POGK: variants seen among roughly 807,000 people sequenced by gnomAD.
POGK encodes pogo transposable element derived with KRAB domain.
A neutral mutation model predicts 54.4 loss-of-function variants in POGK; 16 were observed. That is an observed-to-expected ratio of 0.29 (90% CI 0.20 to 0.45). POGK has a LOEUF of 0.45. POGK is among the 20% of genes least tolerant of loss of function. The pLI is 1.00. For synonymous variants in POGK, 271 were observed against 302.2 expected, an observed-to-expected ratio of 0.90 and a Z score of 1.07; for missense variants, 515 against 795.6, an observed-to-expected ratio of 0.65 and a Z score of 4.24.
In POGK at chr1:166,850,209, C is replaced by T; in HGVS notation, c.1630C>T (p.Leu544=). The T allele has an allele frequency of 1.3e-6, 2 of 1,554,934 alleles. No individual in the cohort carries two copies. The highest frequency in any genetic ancestry group is 2.4e-5 in the South Asian group (2 of 84,570). ...AACCGGGAATGCTAAGAAGCCACCC[C>T]TGGGCCTCTTTCTGGAGTGGGTCAT... is the stretch of plus-strand genomic sequence containing the variant. ...SPTGNAKKPP[L]GLFLEWVMVA... is the part of the protein sequence containing the mutation. The change falls in exon 5 of 6, where the codon CTG becomes TTG. Residue 544 remains leucine, a synonymous_variant. Coordinates refer to ENST00000367876, the MANE Select transcript of POGK (RefSeq NM_017542.5).
At chr1:166,850,690 A>C in intron 5 of POGK, 2 of 355,294 alleles carry the variant, frequency 5.6e-6, no homozygotes, top group Non-Finnish European at 1.0e-5. Flanking sequence ...TTAGATTCTC[A>C]TAGGAGCACA....
At chr1:166,840,239 G>C (rs1478472666) in intron 1 of POGK, 1 of 152,284 alleles carries the variant, frequency 6.6e-6, no homozygotes, top group Non-Finnish European at 1.5e-5. Flanking sequence ...CTGGCCAAGA[G>C]TCAGCGAATA....
rs1373363442 is a variant in POGK at position 166,850,239 on chromosome 1, G to T, written c.1660G>T (p.Ala554Ser). The change falls in exon 5 of 6, where the codon GCG (alanine) becomes TCG (serine). Residue 554 changes from alanine (A) to serine (S), a missense_variant. Coordinates refer to ENST00000367876, the MANE Select transcript of POGK (RefSeq NM_017542.5). ...CCTCTTTCTGGAGTGGGTCATGGTC[G>T]CGTGGAATAGCATCTCAAGTGAGTC... ...LGLFLEWVMV[A>S]WNSISSESIV... 6.4e-7 allele frequency: 1 copy of T among 1,558,184 alleles called. No homozygotes were observed. The highest frequency in any genetic ancestry group is 1.9e-5 in the Admixed American group (1 of 51,548).
At chr1:166,850,491 C>A (rs140753011) in intron 5 of POGK, 68 bp downstream of exon 5, 4 of 1,475,606 alleles carry the variant, frequency 2.7e-6, no homozygotes, top group Admixed American at 2.3e-5. Flanking sequence ...CACCTTCTCT[C>A]CATTATTTTT....
Position 166,847,595 on chromosome 1 carries a change from AC to A in POGK, c.358+4del. ...GCTCCAAGGAGGCACCTCTGCAGGT[AC>A]TACAAGTAAAGCAGTTCAGCGTCCA... On this transcript the variant is annotated splice_donor_region_variant and intron_variant, in intron 4 of 5. Transcript: ENST00000367876. 3 of 1,609,886 alleles carry A rather than the reference AC, an allele frequency of 1.9e-6. No individual in the cohort carries two copies. Among genetic ancestry groups the A allele is most frequent in the Non-Finnish European group, 2.6e-6 (3 of 1,176,338 alleles).
chr1:166,841,022 G>A lies in POGK; in HGVS notation c.66G>A (p.Gln22=). ...AAGAGGAAGAGGAAGAAGAGATTCAGAGCCGGGAACTAGAGGACGGCCCGG... is the reference window on the plus strand; with the variant it reads ...AAGAGGAAGAGGAAGAAGAGATTCAAAGCCGGGAACTAGAGGACGGCCCGG... ...LKEEEEEEEI[Q]SRELEDGPAD... Residue 22 remains glutamine, a synonymous_variant, in exon 2 of 6, where the codon CAG becomes CAA. Coordinates refer to ENST00000367876, the MANE Select transcript of POGK (RefSeq NM_017542.5). 6.2e-7 allele frequency: 1 copy of A among 1,614,082 alleles called. No individual in the cohort carries two copies. Among genetic ancestry groups the A allele is most frequent in the Non-Finnish European group, 8.5e-7 (1 of 1,179,986 alleles).
chr1:166,848,919 C>T lies in POGK; in HGVS notation c.359-19C>T. 1 of 1,559,012 alleles carries T rather than the reference C, an allele frequency of 6.4e-7. No homozygotes were observed. Among genetic ancestry groups the T allele is most frequent in the Non-Finnish European group, 8.7e-7 (1 of 1,153,962 alleles). ...TTACTTACTGGCATTATTTTTGCCC[C>T]TCACTATTTGTCTCCCAGAAAATGA... On this transcript the variant is annotated intron_variant, in intron 4 of 5. Coordinates refer to ENST00000367876, the MANE Select transcript of POGK (RefSeq NM_017542.5).
chr1:166,841,910 A>T (rs1657530741), intron 2 of POGK, among the ~76,000 whole-genome samples: 2 of 152,174 alleles, frequency 1.3e-5, no homozygotes, highest in South Asian at 4.2e-4. Flanking sequence ...CTAAGGTTAC[A>T]CATGAACACT....
chr1:166,841,948 T>C (rs1657533282), intron 2 of POGK, among the ~76,000 whole-genome samples: 1 of 151,986 alleles, frequency 6.6e-6, no homozygotes, highest in Admixed American at 6.5e-5. Context: ...ACAGGTCTCC[T>C]GAGCTGCACC....
rs563152721 is a variant in POGK, at chr1:166,853,786, T to G, written c.*1216T>G. 6.6e-6 allele frequency: 1 copy of G among 152,654 alleles called. No homozygotes were observed. Among genetic ancestry groups the G allele is most frequent in the African/African-American group, 2.4e-5 (1 of 41,586 alleles). 9.5% of individuals were successfully genotyped at this position (152,654 alleles called of 1,614,324 possible). On this transcript the variant is annotated 3_prime_UTR_variant, in exon 6 of 6. Transcript: ENST00000367876. ...CTCACCTGTATATTTAAACTGTTCT[T>G]GGCATCTTGAAACACCTATTTCTAC...
chr1:166,855,890 A>AC lies in POGK; in HGVS notation c.*3320_*3321insC, dbSNP rs5778525. On this transcript the variant is annotated 3_prime_UTR_variant, in exon 6 of 6. Transcript: ENST00000367876. ...GGTATATTGAGTAGTCCAAACCAAA[A>AC]AACTATATTCGAGTATCAGTTTAAA... The AC allele has an allele frequency of 0.66, 99,924 of 152,150 alleles. 33,816 individuals are homozygous for AC. Among genetic ancestry groups the AC allele is most frequent in the East Asian group, 0.88 (4,562 of 5,190 alleles). 9.4% of individuals were successfully genotyped at this position (152,150 alleles called of 1,614,324 possible). A position where few individuals can be genotyped will look rare whatever the true frequency, so the allele number is the denominator to read the frequency against.
intron 5 of POGK, 105 bp downstream of exon 5, chr1:166,850,528 C>G: frequency 7.6e-7 from 1 of 1,315,162 alleles, no homozygotes; most frequent in Non-Finnish European, 1.0e-6. Flanking sequence ...TTAGAGCCTA[C>G]AGTGCAGTAG....
intron 4 of POGK, 49 bp from the exon 5 acceptor site, chr1:166,848,889 C>G (rs761310983): frequency 3.3e-6 from 5 of 1,537,776 alleles, no homozygotes; most frequent in Middle Eastern, 1.8e-4. Flanking sequence ...AGGGTATAAG[C>G]CATTTTACTT....
intron 2 of POGK, among the ~76,000 whole-genome samples, chr1:166,841,521 A>G (rs1213077414): frequency 2.0e-5 from 3 of 152,232 alleles, no homozygotes; most frequent in African/African-American, 7.2e-5. Context: ...CACAGTTGAC[A>G]CAGGAGAGCT....
At chr1:166,848,100 A>G (rs1485171205) in intron 4 of POGK, among the ~76,000 whole-genome samples, 2 of 152,240 alleles carry the variant, frequency 1.3e-5, no homozygotes, top group Non-Finnish European at 2.9e-5. Context: ...GAATAAATAT[A>G]GCATTGCCTC....
rs1484698710 is a variant in POGK at position 166,853,950 on chromosome 1, G to A, written c.*1380G>A. On this transcript the variant is annotated 3_prime_UTR_variant, in exon 6 of 6. Transcript: ENST00000367876. ...ATTGTTGCCCCATTTGCTTTTACCT[G>A]TACTGTATTCTTGGTCATCTCAAAT... is the stretch of plus-strand genomic sequence containing the variant. 6.6e-6 allele frequency: 1 copy of A among 152,134 alleles called. No individual in the cohort carries two copies. Among genetic ancestry groups the A allele is most frequent in the Non-Finnish European group, 1.5e-5 (1 of 68,040 alleles). 9.4% of individuals were successfully genotyped at this position (152,134 alleles called of 1,614,324 possible).
At chr1:166,841,209 C>A in intron 2 of POGK, 121 bp downstream of exon 2, 1 of 1,347,588 alleles carries the variant, frequency 7.4e-7, no homozygotes, top group Non-Finnish European at 1.0e-6. Context: ...GGTGTGTTTG[C>A]ATTCCTGAGA....
At chr1:166,847,623 C>A in intron 4 of POGK, 31 bp downstream of exon 4, 1 of 1,540,048 alleles carries the variant, frequency 6.5e-7, no homozygotes, top group Non-Finnish European at 9.0e-7. Flanking sequence ...CAGCGTCCAT[C>A]CAGCTGGGAA....
intron 5 of POGK, chr1:166,851,201 T>C (rs945941288): frequency 1.3e-5 from 2 of 152,250 alleles, no homozygotes; most frequent in African/African-American, 4.8e-5. Flanking sequence ...GTACTCACTT[T>C]TGCTGGCCTG....
Sources: gnomAD v4.1 joint callset for allele counts (sites outside exome capture counted in the v4.1 genomes callset) on GRCh38, gnomAD v4.1.1 for gene constraint, MANE v1.5 for transcripts, NCBI Gene and HGNC (gene_info 2026-07-23, HGNC 2026-07-21) for gene names.